Variants in TMTC1 observed in about 807,000 individuals in gnomAD.
TMTC1 encodes the protein protein O-mannosyl-transferase TMTC1.
Under a neutral mutation model 104.8 loss-of-function variants are expected in TMTC1, and 73 were observed. That is an observed-to-expected ratio of 0.70 (90% CI 0.58 to 0.85). The LOEUF is 0.85. TMTC1 is among the 40% of genes least tolerant of loss of function. TMTC1 has a pLI of 0.00. For missense variants in TMTC1, 1,035 were observed against 1,096.1 expected (o/e 0.94, Z 0.79); for synonymous variants, 434 against 428.7 (o/e 1.01, Z -0.15).
chr12:29,749,985 A>G (rs1943048964), intron 5 of TMTC1, among the ~76,000 whole-genome samples: 1 of 151,590 alleles, frequency 6.6e-6, no homozygotes, highest in African/African-American at 2.4e-5. Context: ...TCCCTCCTTC[A>G]TGATTGCCCC....
At chr12:29,525,386 A>G (rs189729501) in intron 11 of TMTC1, among the ~76,000 whole-genome samples, 177 of 151,628 alleles carry the variant, frequency 1.2e-3, no homozygotes, top group African/African-American at 4.2e-3. Context: ...GGGTTTCACC[A>G]TGTTGGCCAG....
chr12:29,596,727 C>T (rs989513812), intron 7 of TMTC1, among the ~76,000 whole-genome samples: 2 of 152,186 alleles, frequency 1.3e-5, no homozygotes, highest in Non-Finnish European at 2.9e-5. Flanking sequence ...GCTTTTCCTG[C>T]CCCTCTACTG....
At chr12:29,548,924 A>T (rs1048000589) in intron 10 of TMTC1, among the ~76,000 whole-genome samples, 7 of 144,184 alleles carry the variant, frequency 4.9e-5, no homozygotes, top group African/African-American at 1.8e-4. Flanking sequence ...TTTACATATT[A>T]TATAATATGT....
chr12:29,679,669 T>G (rs2136709239), intron 5 of TMTC1, among the ~76,000 whole-genome samples: 1 of 151,492 alleles, frequency 6.6e-6, no homozygotes, highest in African/African-American at 2.4e-5. Flanking sequence ...GCTATATACA[T>G]TAAATTAAAG....
At chr12:29,710,994 C>A (rs1467358394) in intron 5 of TMTC1, among the ~76,000 whole-genome samples, 3 of 136,700 alleles carry the variant, frequency 2.2e-5, no homozygotes, top group Non-Finnish European at 4.6e-5. Context: ...TATATTTTTT[C>A]CCCCTCAGAG....
At chr12:29,770,234 T>C (rs1427944263) in intron 1 of TMTC1, among the ~76,000 whole-genome samples, 2 of 152,220 alleles carry the variant, frequency 1.3e-5, no homozygotes, top group Non-Finnish European at 2.9e-5. Flanking sequence ...ATTATTACTA[T>C]GTTACCTATA....
At chr12:29,640,685 G>A (rs35802044) in intron 5 of TMTC1, 14,109 of 152,284 alleles carry the variant, frequency 0.093, 711 homozygotes, top group Admixed American at 0.13. Context: ...GATCCAATGG[G>A]AGAGAAGCAG....
Position 29,536,016 on chromosome 12 carries a change from A to C in TMTC1, c.1785+193T>G, listed in dbSNP as rs142765990. 1,754 of 565,342 alleles carry C rather than the reference A, an allele frequency of 3.1e-3. 5 individuals carry two copies. Among genetic ancestry groups the C allele is most frequent in the Non-Finnish European group, 4.4e-3 (1,412 of 324,078 alleles). 35.0% of individuals were successfully genotyped at this position (565,342 alleles called of 1,614,324 possible). On this transcript the variant is annotated intron_variant, in intron 11 of 17. Coordinates refer to ENST00000539277, the MANE Select transcript of TMTC1 (RefSeq NM_001193451.2). ...CCAATAACGGACCATCTTTGTCTAAAAGCGACCTGTGATACACAGAGAATA... is the reference window on the plus strand; with the variant it reads ...CCAATAACGGACCATCTTTGTCTAACAGCGACCTGTGATACACAGAGAATA...
intron 5 of TMTC1, among the ~76,000 whole-genome samples, chr12:29,690,029 T>C (rs1941219037): frequency 6.6e-6 from 1 of 152,210 alleles, no homozygotes; most frequent in Non-Finnish European, 1.5e-5. Context: ...GCTGACTCTG[T>C]TTGGCATCCC....
At chr12:29,601,927 C>T (rs548516567) in intron 7 of TMTC1, among the ~76,000 whole-genome samples, 1 of 151,272 alleles carries the variant, frequency 6.6e-6, no homozygotes, top group African/African-American at 2.4e-5. Context: ...GTTCCGCCTC[C>T]CGGGTTCACA....
intron 8 of TMTC1, among the ~76,000 whole-genome samples, 164 bp from the exon 9 acceptor site, chr12:29,572,382 T>C (rs1945703714): frequency 6.6e-6 from 1 of 152,222 alleles, no homozygotes; most frequent in Non-Finnish European, 1.5e-5. Context: ...AATTATATAA[T>C]TTACTAAACG....
chr12:29,617,890 G>A (rs1437476388), intron 6 of TMTC1, among the ~76,000 whole-genome samples: 4 of 151,680 alleles, frequency 2.6e-5, no homozygotes, highest in Non-Finnish European at 5.9e-5. Flanking sequence ...AGAGAAATAA[G>A]GAGCCACCAG....
chr12:29,649,776 T>C (rs999162283), intron 5 of TMTC1, among the ~76,000 whole-genome samples: 1 of 152,198 alleles, frequency 6.6e-6, no homozygotes, highest in African/African-American at 2.4e-5. Flanking sequence ...CAATTAATAA[T>C]TACAGTCAAC....
intron 7 of TMTC1, among the ~76,000 whole-genome samples, chr12:29,597,198 TTTTTC>T (rs371537051): frequency 5.3e-5 from 8 of 151,608 alleles, no homozygotes; most frequent in African/African-American, 7.3e-5. Context: ...GTGAACTTTT[TTTTTC>T]TTTTCTTTTC....
rs1944495739 is a variant in TMTC1 at position 29,531,266 on chromosome 12, G to A, written c.1785+4943C>T. ...AGTTGACTTAGCCCCACACAGTGTGGCTGAATGTACCTCAAATATAGCATT... is the reference window on the plus strand; with the variant it reads ...AGTTGACTTAGCCCCACACAGTGTGACTGAATGTACCTCAAATATAGCATT... On this transcript the variant is annotated intron_variant, in intron 11 of 17. Coordinates refer to ENST00000539277, the MANE Select transcript of TMTC1 (RefSeq NM_001193451.2). Among the ~76,000 whole-genome samples the A allele has an allele frequency of 2.0e-5, 3 of 152,292 alleles. No homozygotes were observed. In the South Asian group the frequency reaches 6.2e-4, roughly 32 times the overall value.
intron 5 of TMTC1, among the ~76,000 whole-genome samples, chr12:29,661,914 A>T (rs1940047489): frequency 6.6e-6 from 1 of 152,158 alleles, no homozygotes; most frequent in Admixed American, 6.5e-5. Flanking sequence ...GCTGTAGCTT[A>T]CTCACTTATA....
chr12:29,584,223 C>G (rs1946063498), intron 7 of TMTC1, among the ~76,000 whole-genome samples: 1 of 152,130 alleles, frequency 6.6e-6, no homozygotes, highest in South Asian at 2.1e-4. Context: ...ATCTGAGTAG[C>G]ACTTTGTATA....
At chr12:29,512,309 A>AC (rs1181877472) in intron 16 of TMTC1, among the ~76,000 whole-genome samples, 189 bp from the exon 17 acceptor site, 1 of 152,192 alleles carries the variant, frequency 6.6e-6, no homozygotes, top group Non-Finnish European at 1.5e-5. Flanking sequence ...GAGGAAACTG[A>AC]AATGTATAAT....
intron 5 of TMTC1, among the ~76,000 whole-genome samples, chr12:29,647,627 G>A (rs1040984851): frequency 1.3e-5 from 2 of 152,132 alleles, no homozygotes; most frequent in African/African-American, 2.4e-5. Context: ...AAGATGTTGC[G>A]TTCTAGTTTC....
Sources: gnomAD v4.1 joint callset for allele counts (sites outside exome capture counted in the v4.1 genomes callset) on GRCh38, gnomAD v4.1.1 for gene constraint, MANE v1.5 for transcripts, NCBI Gene and HGNC (gene_info 2026-07-23, HGNC 2026-07-21) for gene names.